The following RIC8B variants were observed in gnomAD, a reference collection of about 807,000 sequenced individuals.
RIC8B encodes chaperone Ric-8B.
Under a neutral mutation model 57.5 loss-of-function variants are expected in RIC8B, and 16 were observed. The ratio of observed to expected loss-of-function variants is 0.28; its 90% CI spans 0.19 to 0.42. The LOEUF is 0.42. RIC8B is among the 10% of genes least tolerant of loss of function. RIC8B has a pLI of 1.00. For missense variants in RIC8B, 481 were observed against 677.0 expected, an observed-to-expected ratio of 0.71 and a Z score of 3.21; for synonymous variants, 216 against 250.8, an observed-to-expected ratio of 0.86 and a Z score of 1.31.
chr12:106,870,804 C>T lies in RIC8B; in HGVS notation c.1452-19C>T. ...CATAATTTTAAAACATACAGCATAA[C>T]TTTTTTTTCTTTTTGTAGCATTAAT... On this transcript the variant is annotated intron_variant, in intron 8 of 9. Transcript: ENST00000392837. 1 of 1,482,900 alleles carries T rather than the reference C, an allele frequency of 6.7e-7. No individual in the cohort carries two copies. Among genetic ancestry groups the T allele is most frequent in the Non-Finnish European group, 9.0e-7 (1 of 1,113,806 alleles). 91.9% of individuals were successfully genotyped at this position (1,482,900 alleles called of 1,614,324 possible). A position where few individuals can be genotyped will look rare whatever the true frequency, so the allele number is the denominator to read the frequency against.
intron 4 of RIC8B, 67 bp from the exon 5 acceptor site, chr12:106,842,522 T>C (rs946703524): frequency 2.3e-6 from 3 of 1,289,634 alleles, no homozygotes; most frequent in African/African-American, 1.5e-5. Flanking sequence ...GAACTTCTTA[T>C]TATGTTTGCA....
rs1468436949 is a variant in RIC8B at position 106,879,145 on chromosome 12, T to G, written c.1572-6759T>G. The G allele has an allele frequency of 5.1e-6, 5 of 985,678 alleles. No individual in the cohort carries two copies. The African/African-American group carries it at 8.7e-5, about 17-fold the overall frequency. 61.1% of individuals were successfully genotyped at this position (985,678 alleles called of 1,614,324 possible). A position where few individuals can be genotyped will look rare whatever the true frequency, so the allele number is the denominator to read the frequency against. The stretch of plus-strand genomic sequence containing the variant: ...GTATAGGTAAATTCGAAGGGACTCT[T>G]GGGAGATCTGCAAGTGGGAAACAAG... On this transcript the variant is annotated intron_variant, in intron 9 of 9. Transcript: ENST00000392837. This position sits in a 1 kb window ranked among gnomAD's most constrained non-coding sequence, Gnocchi z 4.9.
intron 2 of RIC8B, among the ~76,000 whole-genome samples, chr12:106,795,123 C>T (rs2044419290): frequency 6.6e-6 from 1 of 151,952 alleles, no homozygotes; most frequent in African/African-American, 2.4e-5. Flanking sequence ...ATATCAAAAG[C>T]TATAAATGTA....
At chr12:106,778,977 G>C (rs371817102) in intron 1 of RIC8B, among the ~76,000 whole-genome samples, 1 of 152,154 alleles carries the variant, frequency 6.6e-6, no homozygotes, top group Admixed American at 6.5e-5. Context: ...GCAATGGCGC[G>C]ATCTCGGCTT....
intron 9 of RIC8B, among the ~76,000 whole-genome samples, chr12:106,875,274 A>AT (rs1157657993): frequency 6.6e-6 from 1 of 152,130 alleles, no homozygotes; most frequent in Non-Finnish European, 1.5e-5. Context: ...CTCATTTGAC[A>AT]TTTTTTAATG....
chr12:106,835,062 T>C (rs1267681013), intron 4 of RIC8B, among the ~76,000 whole-genome samples: 1 of 150,880 alleles, frequency 6.6e-6, no homozygotes, highest in African/African-American at 2.4e-5. Context: ...ACCTCCAGGG[T>C]TGTATCTACC....
chr12:106,818,775 C>CT (rs1026780797), intron 3 of RIC8B, among the ~76,000 whole-genome samples: 2 of 151,750 alleles, frequency 1.3e-5, no homozygotes, highest in African/African-American at 4.8e-5. Context: ...GTGTATCTTT[C>CT]TTTTTTTTGA....
rs1951216663 is a variant in RIC8B at position 106,887,172 on chromosome 12, A to G, written c.*1157A>G. 2 of 152,558 alleles carry G rather than the reference A, an allele frequency of 1.3e-5. No homozygotes were observed. The highest frequency in any genetic ancestry group is 1.5e-5 in the Non-Finnish European group (1 of 68,036). 9.5% of individuals were successfully genotyped at this position (152,558 alleles called of 1,614,324 possible). On this transcript the variant is annotated 3_prime_UTR_variant, in exon 10 of 10. Transcript: ENST00000392837. ...GAAAAGGGGTTGGTTTCCTGTATAT[A>G]TATGTATGTATATACACACGTACAT... is the stretch of plus-strand genomic sequence containing the variant.
intron 5 of RIC8B, among the ~76,000 whole-genome samples, chr12:106,843,427 G>A (rs1949040574): frequency 6.6e-6 from 1 of 152,188 alleles, no homozygotes; most frequent in Admixed American, 6.5e-5. Flanking sequence ...TGATAAAATG[G>A]AAATGTTTTT....
At chr12:106,828,314 T>C (rs1014866613) in intron 4 of RIC8B, among the ~76,000 whole-genome samples, 8 of 152,190 alleles carry the variant, frequency 5.3e-5, no homozygotes, top group African/African-American at 1.9e-4. Context: ...CAGTAATGAC[T>C]CCAGGCTAAT....
intron 3 of RIC8B, among the ~76,000 whole-genome samples, chr12:106,816,093 C>G (rs187716234): frequency 2.6e-4 from 39 of 152,218 alleles, no homozygotes; most frequent in African/African-American, 8.9e-4. Flanking sequence ...TTTTTCCCTC[C>G]TTCTAGAAGC....
At position 106,853,453 on chromosome 12, in the gene RIC8B, C is replaced by CTTTTTTTTTTTTTTTTT. The variant is rs758876525; in HGVS notation, c.1306+1876_1306+1892dup. Among the ~76,000 whole-genome samples, 84 of 38,036 alleles carry CTTTTTTTTTTTTTTTTT rather than the reference C, an allele frequency of 2.2e-3. 22 individuals carry two copies. Among genetic ancestry groups the CTTTTTTTTTTTTTTTTT allele is most frequent in the East Asian group, 7.2e-3 (6 of 834 alleles). 25.0% of individuals were successfully genotyped at this position (38,036 alleles called of 152,430 possible). A position where few individuals can be genotyped will look rare whatever the true frequency, so the allele number is the denominator to read the frequency against. ...GACCTCAACAATTCTGCTTTATAGT[C>CTTTTTTTTTTTTTTTTT]TTTTTTTTTTTTTTTTTTTTTTTTT... On this transcript the variant is annotated intron_variant, in intron 7 of 9. Transcript: ENST00000392837.
intron 2 of RIC8B, among the ~76,000 whole-genome samples, chr12:106,785,811 CTCTG>C (rs796326736): frequency 1.0e-3 from 122 of 122,102 alleles, no homozygotes; most frequent in South Asian, 3.4e-3. Flanking sequence ...CTCTCTCTCT[CTCTG>C]TGTGTGTGTG....
At chr12:106,863,345 A>G (rs1950014897) in intron 8 of RIC8B, among the ~76,000 whole-genome samples, 1 of 152,092 alleles carries the variant, frequency 6.6e-6, no homozygotes, top group Non-Finnish European at 1.5e-5. Context: ...TCAGATCGAA[A>G]AGCTTAAAAC....
intron 4 of RIC8B, among the ~76,000 whole-genome samples, chr12:106,836,573 C>T (rs1258024635): frequency 1.3e-5 from 2 of 152,228 alleles, no homozygotes; most frequent in Non-Finnish European, 2.9e-5. Flanking sequence ...TCACACTCCA[C>T]ACTAGCCTGT....
intron 9 of RIC8B, among the ~76,000 whole-genome samples, chr12:106,884,138 C>T (rs1444980890): frequency 6.6e-6 from 1 of 152,258 alleles, no homozygotes; most frequent in Non-Finnish European, 1.5e-5. Context: ...ACAGTGCCCT[C>T]CCCAGGCAGC....
chr12:106,779,844 C>G (rs1750652787), intron 1 of RIC8B, among the ~76,000 whole-genome samples: 1 of 147,202 alleles, frequency 6.8e-6, no homozygotes, highest in South Asian at 2.2e-4. Flanking sequence ...TGTTCAAGCT[C>G]TTGCTCCCCC....
intron 4 of RIC8B, among the ~76,000 whole-genome samples, chr12:106,826,110 A>G (rs970256664): frequency 7.2e-5 from 11 of 152,246 alleles, no homozygotes; most frequent in African/African-American, 2.4e-4. Flanking sequence ...CAGAACAACA[A>G]TAATAGTACA....
intron 2 of RIC8B, among the ~76,000 whole-genome samples, chr12:106,801,659 T>A (rs1478738573): frequency 6.6e-6 from 1 of 152,214 alleles, no homozygotes; most frequent in Non-Finnish European, 1.5e-5. Flanking sequence ...GCATGAGTAT[T>A]CATTTTAGAA....
Sources: gnomAD v4.1 joint callset for allele counts (sites outside exome capture counted in the v4.1 genomes callset) on GRCh38, gnomAD v4.1.1 for gene constraint, Gnocchi (gnomAD v3.1) non-coding constraint, MANE v1.5 for transcripts, NCBI Gene and HGNC (gene_info 2026-07-23, HGNC 2026-07-21) for gene names.